The following ULK4 variants were observed in gnomAD, a reference collection of about 807,000 sequenced individuals.
ULK4 encodes inactive serine/threonine-protein kinase ULK4.
Under a neutral mutation model 160.6 loss-of-function variants are expected in ULK4, and 133 were observed. The ratio of observed to expected loss-of-function variants is 0.83; its 90% CI spans 0.72 to 0.96. ULK4 has a LOEUF of 0.96. ULK4 is among the 40% of genes least tolerant of loss of function. The pLI is 0.00. For missense variants in ULK4, 1,580 were observed against 1,499.5 expected, an observed-to-expected ratio of 1.05 and a Z score of -0.89; for synonymous variants, 534 against 539.8, an observed-to-expected ratio of 0.99 and a Z score of 0.15.
chr3:41,409,534 ATT>A (rs2082368849), intron 34 of ULK4, among the ~76,000 whole-genome samples: 1 of 152,246 alleles, frequency 6.6e-6, no homozygotes, highest in African/African-American at 2.4e-5. Context: ...CAACTCACTA[ATT>A]TTAAAAATAA....
chr3:41,724,410 T>TC (rs2037575188), intron 22 of ULK4, among the ~76,000 whole-genome samples: 1 of 152,120 alleles, frequency 6.6e-6, no homozygotes, highest in Non-Finnish European at 1.5e-5. Context: ...CAATTTATAC[T>TC]CCAACAGGTA....
At chr3:41,400,498 T>C (rs1212772225) in intron 34 of ULK4, among the ~76,000 whole-genome samples, 1 of 152,206 alleles carries the variant, frequency 6.6e-6, no homozygotes, top group African/African-American at 2.4e-5. Flanking sequence ...ATCCAAATTT[T>C]TGTGTATCAA....
chr3:41,675,932 G>T (rs1005250482), intron 29 of ULK4, among the ~76,000 whole-genome samples: 2 of 152,114 alleles, frequency 1.3e-5, no homozygotes, highest in Non-Finnish European at 2.9e-5. Flanking sequence ...TTTGTTATAG[G>T]AGCACTAAGA....
intron 29 of ULK4, among the ~76,000 whole-genome samples, chr3:41,678,704 A>T (rs1446105821): frequency 6.6e-6 from 1 of 152,226 alleles, no homozygotes; most frequent in Non-Finnish European, 1.5e-5. Flanking sequence ...TCCCTGTGCG[A>T]AGTGGGGAGC....
chr3:41,273,107 G>A (rs774202870), intron 35 of ULK4, among the ~76,000 whole-genome samples: 3 of 152,214 alleles, frequency 2.0e-5, no homozygotes, highest in Admixed American at 6.5e-5. Context: ...TTATAAAATT[G>A]TATAACATTA....
intron 21 of ULK4, among the ~76,000 whole-genome samples, chr3:41,765,946 T>C (rs1469168489): frequency 6.6e-6 from 1 of 152,060 alleles, no homozygotes; most frequent in Non-Finnish European, 1.5e-5. Flanking sequence ...CTTAAGTGAG[T>C]AGTCAAAGAC....
intron 30 of ULK4, among the ~76,000 whole-genome samples, chr3:41,649,876 G>T (rs879368946): frequency 1.3e-5 from 2 of 152,194 alleles, no homozygotes; most frequent in African/African-American, 4.8e-5. Flanking sequence ...AGAGTACATG[G>T]CCCAGAGTGA....
In ULK4 at chr3:41,506,771, T is replaced by TATATATATATAA. The variant is rs1559658121; in HGVS notation, c.3227-43519_3227-43518insTTATATATATAT. Among the ~76,000 whole-genome samples, 2 of 26,336 alleles carry TATATATATATAA rather than the reference T, an allele frequency of 7.6e-5. 1 individual carries two copies. Among genetic ancestry groups the TATATATATATAA allele is most frequent in the African/African-American group, 2.7e-4 (2 of 7,410 alleles). The allele number at this position is 26,336 out of a possible 152,430, so 17.3% of individuals were successfully genotyped here. ...ATACACTGGAGTGTGATTTAAAATA[T>TATATATATATAA]ATATATATATATATATATATATATA... is the stretch of plus-strand genomic sequence containing the variant. On this transcript the variant is annotated intron_variant, in intron 32 of 36. Coordinates refer to ENST00000301831, the MANE Select transcript of ULK4 (RefSeq NM_017886.4).
At chr3:41,931,319 C>T (rs1309371620) in intron 5 of ULK4, among the ~76,000 whole-genome samples, 9 of 151,754 alleles carry the variant, frequency 5.9e-5, no homozygotes, top group South Asian at 2.1e-4. Context: ...CATCACACAC[C>T]GGGGCCTGTC....
intron 21 of ULK4, among the ~76,000 whole-genome samples, chr3:41,770,391 T>G (rs139463934): frequency 1.3e-5 from 2 of 152,320 alleles, no homozygotes; most frequent in East Asian, 3.9e-4. Flanking sequence ...GGAATTTTTC[T>G]GTAGGGCGGT....
intron 17 of ULK4, among the ~76,000 whole-genome samples, chr3:41,852,813 C>A (rs1575828736): frequency 6.6e-6 from 1 of 152,014 alleles, no homozygotes; most frequent in African/African-American, 2.4e-5. Flanking sequence ...AAATAGGAGA[C>A]CATTAATATT....
At chr3:41,702,762 T>C (rs2036720396) in intron 27 of ULK4, among the ~76,000 whole-genome samples, 1 of 151,172 alleles carries the variant, frequency 6.6e-6, no homozygotes, top group African/African-American at 2.4e-5. Context: ...GATAAATTCA[T>C]AATAGTAATA....
At position 41,615,734 on chromosome 3, in the gene ULK4, A is replaced by G; in HGVS notation, c.3072-17T>C. 1 of 1,610,044 alleles carries G rather than the reference A, an allele frequency of 6.2e-7. No homozygotes were observed. The highest frequency in any genetic ancestry group is 8.5e-7 in the Non-Finnish European group (1 of 1,177,662). Reference sequence around the variant, plus strand: ...TCCACAAGTCTGTTAAAAACAAGAAAAAAAGATAAGTGCACATTAGACAAT... The same window carrying G: ...TCCACAAGTCTGTTAAAAACAAGAAGAAAAGATAAGTGCACATTAGACAAT... On this transcript the variant is annotated splice_polypyrimidine_tract_variant and intron_variant, in intron 30 of 36. Coordinates refer to ENST00000301831, the MANE Select transcript of ULK4 (RefSeq NM_017886.4).
intron 29 of ULK4, among the ~76,000 whole-genome samples, chr3:41,673,283 A>G (rs978384658): frequency 2.6e-5 from 4 of 152,190 alleles, no homozygotes; most frequent in East Asian, 1.9e-4. Context: ...CAAAGAAGCA[A>G]TACAGAACCA....
At chr3:41,862,501 TA>T (rs2042522587) in intron 17 of ULK4, among the ~76,000 whole-genome samples, 1 of 152,192 alleles carries the variant, frequency 6.6e-6, no homozygotes, top group Non-Finnish European at 1.5e-5. Context: ...AGGTATTTAT[TA>T]TAGTCTTCAC....
intron 27 of ULK4, among the ~76,000 whole-genome samples, chr3:41,698,801 G>C (rs2036579750): frequency 6.6e-6 from 1 of 152,138 alleles, no homozygotes; most frequent in African/African-American, 2.4e-5. Flanking sequence ...AGCCCCCTTT[G>C]ACACAACCTA....
chr3:41,844,649 C>T (rs977199482), intron 17 of ULK4, among the ~76,000 whole-genome samples: 7 of 152,180 alleles, frequency 4.6e-5, no homozygotes, highest in South Asian at 2.1e-4. Flanking sequence ...CCTCAAGTGC[C>T]GCCAAAGTGG....
intron 35 of ULK4, among the ~76,000 whole-genome samples, chr3:41,387,887 C>T (rs1414245590): frequency 6.6e-6 from 1 of 152,048 alleles, no homozygotes; most frequent in Non-Finnish European, 1.5e-5. Context: ...GAGTATATAC[C>T]CAGTAATGGG....
chr3:41,484,458 C>CTTTTTTTTTTTTTTTTTTTTTTTTTTTTT (rs369059587), intron 32 of ULK4, among the ~76,000 whole-genome samples: 1 of 134,866 alleles, frequency 7.4e-6, no homozygotes, highest in African/African-American at 2.8e-5. Context: ...CTTTCTTTTC[C>CTTTTTTTTTTTTTTTTTTTTTTTTTTTTT]TTTTTTTGTT....
Sources: allele counts gnomAD v4.1 joint callset (sites outside exome capture counted in the v4.1 genomes callset), GRCh38; gene constraint gnomAD v4.1.1; transcripts MANE v1.5; gene names NCBI Gene and HGNC (gene_info 2026-07-23, HGNC 2026-07-21).